The following SBF2 variants were observed in gnomAD, a reference collection of about 807,000 sequenced individuals.
SBF2 encodes SET binding factor 2.
A neutral mutation model predicts 225.2 loss-of-function variants in SBF2; 112 were observed. The observed-to-expected ratio is 0.50, with a 90% confidence interval of 0.43 to 0.58. The LOEUF (loss-of-function observed/expected upper bound fraction) is 0.58. Ranked by LOEUF, SBF2 falls within the 20% of genes least tolerant of loss-of-function variation. The pLI, the probability that SBF2 is intolerant of heterozygous loss-of-function variation, is 0.00. For missense variants in SBF2, 1,996 were observed against 2,206.2 expected, an observed-to-expected ratio of 0.90 and a Z score of 1.91; for synonymous variants, 763 against 773.3, an observed-to-expected ratio of 0.99 and a Z score of 0.22.
intron 2 of SBF2, among the ~76,000 whole-genome samples, chr11:10,068,651 G>C (rs931825363): frequency 1.3e-5 from 2 of 151,956 alleles, no homozygotes; most frequent in African/African-American, 2.4e-5. Flanking sequence ...GTTTAACATA[G>C]TACCTAGCAA....
intron 16 of SBF2, among the ~76,000 whole-genome samples, chr11:9,904,569 T>C (rs1400028272): frequency 1.3e-5 from 2 of 152,230 alleles, no homozygotes; most frequent in Non-Finnish European, 2.9e-5. Context: ...TCAGTCATCA[T>C]ATTGAAGATT....
chr11:10,172,413 C>T (rs543677237), intron 2 of SBF2, among the ~76,000 whole-genome samples: 19 of 152,072 alleles, frequency 1.2e-4, no homozygotes, highest in Admixed American at 2.6e-4. Flanking sequence ...AGCACAATGG[C>T]GCATCTCAGC....
chr11:9,975,413 T>C (rs1291263578), intron 13 of SBF2, among the ~76,000 whole-genome samples: 1 of 152,214 alleles, frequency 6.6e-6, no homozygotes, highest in Non-Finnish European at 1.5e-5. Context: ...AATGCCATTA[T>C]GGAAAAGGCA....
intron 2 of SBF2, among the ~76,000 whole-genome samples, chr11:10,124,164 T>C (rs1718639764): frequency 6.6e-6 from 1 of 152,210 alleles, no homozygotes. Context: ...CAGTTTGTAT[T>C]TTTTTGGTTG....
chr11:10,281,159 T>G (rs1321192051), intron 1 of SBF2, among the ~76,000 whole-genome samples: 1 of 152,130 alleles, frequency 6.6e-6, no homozygotes, highest in Non-Finnish European at 1.5e-5. Context: ...ATTTAAAAAT[T>G]CATATTAAAA....
chr11:9,837,803 C>T (rs1855827535), intron 26 of SBF2, among the ~76,000 whole-genome samples: 1 of 151,918 alleles, frequency 6.6e-6, no homozygotes, highest in East Asian at 1.9e-4. Context: ...AGTAGCTTGA[C>T]CTCGGCTCAC....
intron 26 of SBF2, chr11:9,838,635 C>T (rs1316449451): frequency 1.3e-5 from 2 of 152,170 alleles, no homozygotes; most frequent in African/African-American, 4.8e-5. Flanking sequence ...AATGACATAT[C>T]TATCTTCAAG....
At chr11:10,078,153 G>C (rs1160816518) in intron 2 of SBF2, among the ~76,000 whole-genome samples, 23 of 152,182 alleles carry the variant, frequency 1.5e-4, no homozygotes, top group Admixed American at 1.5e-3. Context: ...TGCTGGAGAG[G>C]ATATGGAGAA....
At chr11:10,198,611 A>G (rs561789108) in intron 1 of SBF2, among the ~76,000 whole-genome samples, 1 of 152,338 alleles carries the variant, frequency 6.6e-6, no homozygotes, top group South Asian at 2.1e-4. Context: ...TTTGAAGCCA[A>G]GCATTTACTT....
chr11:10,010,823 T>C (rs1447912856), intron 6 of SBF2, among the ~76,000 whole-genome samples: 2 of 152,234 alleles, frequency 1.3e-5, no homozygotes, highest in Non-Finnish European at 2.9e-5. Flanking sequence ...ATAAATTACT[T>C]TGGGCAGTAT....
intron 16 of SBF2, among the ~76,000 whole-genome samples, chr11:9,954,296 T>A (rs971062136): frequency 8.5e-5 from 13 of 152,230 alleles, no homozygotes; most frequent in African/African-American, 2.9e-4. Flanking sequence ...ATTTAGTTAA[T>A]GTTTCTTTCT....
chr11:9,949,510 CTT>C (rs923855519), intron 16 of SBF2, among the ~76,000 whole-genome samples: 1 of 152,108 alleles, frequency 6.6e-6, no homozygotes, highest in African/African-American at 2.4e-5. Context: ...TAGCATTAAA[CTT>C]TATTAAATGC....
At chr11:9,977,205 CA>C (rs1333258770) in intron 13 of SBF2, among the ~76,000 whole-genome samples, 1 of 151,940 alleles carries the variant, frequency 6.6e-6, no homozygotes, top group Non-Finnish European at 1.5e-5. Context: ...TCATAGAGGC[CA>C]GGGGCATTGG....
chr11:9,973,906 G>A (rs1482289273), intron 13 of SBF2, among the ~76,000 whole-genome samples: 2 of 152,142 alleles, frequency 1.3e-5, no homozygotes, highest in Non-Finnish European at 2.9e-5. Context: ...AGCTTATCAA[G>A]TTTCCCAGAT....
intron 13 of SBF2, among the ~76,000 whole-genome samples, chr11:9,977,658 A>G (rs563101828): frequency 6.6e-6 from 1 of 152,270 alleles, no homozygotes; most frequent in South Asian, 2.1e-4. Context: ...CTCTGTTACA[A>G]TATCTTTTTT....
Position 9,937,991 on chromosome 11 carries a change from A to G in SBF2, c.1860+23966T>C, listed in dbSNP as rs560222557. 2.6e-5 allele frequency among the ~76,000 whole-genome samples: 4 copies of G among 152,256 alleles called. No individual in the cohort carries two copies. In the East Asian group the frequency reaches 7.7e-4, roughly 29 times the overall value. ...ATGTTATTAGATGGGAAGACTTATA[A>G]GAAAATATTAAATTTTCAGGGTCGG... On this transcript the variant is annotated intron_variant, in intron 16 of 39. Coordinates refer to ENST00000256190, the MANE Select transcript of SBF2 (RefSeq NM_030962.4).
intron 2 of SBF2, among the ~76,000 whole-genome samples, chr11:10,179,227 G>T (rs1233495228): frequency 6.6e-6 from 1 of 151,594 alleles, no homozygotes; most frequent in African/African-American, 2.4e-5. Flanking sequence ...ATAGCATTGG[G>T]AGATATATCT....
chr11:9,846,307 T>G (rs1410954748), intron 23 of SBF2, among the ~76,000 whole-genome samples: 1 of 152,152 alleles, frequency 6.6e-6, no homozygotes, highest in Non-Finnish European at 1.5e-5. Flanking sequence ...GATCCTTGAC[T>G]AGAAGGAAAG....
At chr11:10,236,505 G>C (rs770871434) in intron 1 of SBF2, among the ~76,000 whole-genome samples, 27 of 152,208 alleles carry the variant, frequency 1.8e-4, no homozygotes, top group Non-Finnish European at 3.2e-4. Flanking sequence ...TGTTACCCAG[G>C]CTGGAGTGCA....
Sources: gnomAD v4.1 joint callset for allele counts (sites outside exome capture counted in the v4.1 genomes callset) on GRCh38, gnomAD v4.1.1 for gene constraint, MANE v1.5 for transcripts, NCBI Gene and HGNC (gene_info 2026-07-23, HGNC 2026-07-21) for gene names.